The following NOL11 variants were observed in gnomAD, a reference collection of about 807,000 sequenced individuals.
The protein encoded by NOL11 is nucleolar protein 11.
Under a neutral mutation model 93.0 loss-of-function variants are expected in NOL11, and 42 were observed. That is an observed-to-expected ratio of 0.45 (90% CI 0.35 to 0.58). The LOEUF is 0.58. NOL11 is among the 20% of genes least tolerant of loss of function. The pLI, the probability that NOL11 is intolerant of heterozygous loss-of-function variation, is 0.00. For synonymous variants in NOL11, 296 were observed against 293.7 expected (o/e 1.01, Z -0.08); for missense variants, 775 against 841.8 (o/e 0.92, Z 0.98).
chr17:67,736,767 GTTGAAA>G lies in NOL11; in HGVS notation c.1143+20_1143+25del, dbSNP rs1290426393. ...GTCAAGAAGAATTGTAAGTTTCGTA[GTTGAAA>G]TTGAAACATTAGTGCAAATGTTGAA... On this transcript the variant is annotated intron_variant, in intron 10 of 17. Transcript: ENST00000253247. 6.3e-7 allele frequency: 1 copy of G among 1,580,304 alleles called. No individual in the cohort carries two copies. Among genetic ancestry groups the G allele is most frequent in the South Asian group, 1.1e-5 (1 of 89,364 alleles).
At chr17:67,730,807 C>T (rs2055147467) in intron 7 of NOL11, among the ~76,000 whole-genome samples, 1 of 152,218 alleles carries the variant, frequency 6.6e-6, no homozygotes, top group Non-Finnish European at 1.5e-5. Flanking sequence ...TAGTTATACT[C>T]TTTTCGTTGT....
At chr17:67,725,170 TA>T (rs1449769326) in intron 6 of NOL11, among the ~76,000 whole-genome samples, 3 of 152,234 alleles carry the variant, frequency 2.0e-5, no homozygotes, top group African/African-American at 7.2e-5. Flanking sequence ...TCTTTGAGTG[TA>T]ATTAGTGAAA....
chr17:67,730,749 G>T (rs981024992), intron 7 of NOL11, among the ~76,000 whole-genome samples: 2 of 152,198 alleles, frequency 1.3e-5, no homozygotes, highest in Non-Finnish European at 2.9e-5. Flanking sequence ...GGTGAATGGG[G>T]TACCCATCAC....
At chr17:67,728,030 A>G (rs1389419865) in intron 7 of NOL11, among the ~76,000 whole-genome samples, 7 of 151,988 alleles carry the variant, frequency 4.6e-5, no homozygotes, top group Non-Finnish European at 7.4e-5. Flanking sequence ...GGAGGCCAAG[A>G]CGGGCTGATC....
chr17:67,718,253 T>G (rs1224001338), intron 1 of NOL11, among the ~76,000 whole-genome samples, 165 bp downstream of exon 1: 1 of 152,142 alleles, frequency 6.6e-6, no homozygotes, highest in African/African-American at 2.4e-5. Flanking sequence ...GGAATCTGGC[T>G]TGCTTGCCTT....
chr17:67,736,383 A>G (rs1411800341), intron 9 of NOL11, among the ~76,000 whole-genome samples: 1 of 152,116 alleles, frequency 6.6e-6, no homozygotes, highest in East Asian at 1.9e-4. Context: ...TTTGAATGCC[A>G]GTGTTCTGAT....
chr17:67,736,033 T>TA lies in NOL11; in HGVS notation c.1054+11dup, dbSNP rs780709484. The TA allele has an allele frequency of 6.2e-7, 1 of 1,600,434 alleles. No individual in the cohort carries two copies. Among genetic ancestry groups the TA allele is most frequent in the African/African-American group, 1.4e-5 (1 of 74,010 alleles). ...CATAGTCAAGATCCAGGTAGAAACT[T>TA]ACTTCTGTTTGTTTTATTAATACAA... On this transcript the variant is annotated intron_variant, in intron 9 of 17. Transcript: ENST00000253247.
Position 67,737,659 on chromosome 17 carries a change from T to C in NOL11, c.1370T>C (p.Met457Thr), listed in dbSNP as rs779758236. 4.3e-6 allele frequency: 7 copies of C among 1,614,014 alleles called. No homozygotes were observed. Among genetic ancestry groups the C allele is most frequent in the Non-Finnish European group, 5.1e-6 (6 of 1,179,960 alleles). Residue 457 changes from methionine (M) to threonine (T), a missense_variant, in exon 12 of 18, where the codon ATG becomes ACG. Around this residue, in one of 2 missense-constraint regions of NOL11, gnomAD observed 416 missense variants for 525.2 expected, o/e 0.79. Coordinates refer to ENST00000253247, the MANE Select transcript of NOL11 (RefSeq NM_015462.5). ...TCATTTTATCCCCGGAACTGTCTGA[T>C]GCAGCTTATCCAAACGCATGTGCTT... is the stretch of plus-strand genomic sequence containing the variant. ...EPSFYPRNCL[M>T]QLIQTHVLSY...
chr17:67,739,756 A>G (rs12948027), intron 16 of NOL11, 148 bp downstream of exon 16: 110,692 of 584,956 alleles, frequency 0.19, 12,130 homozygotes, highest in South Asian at 0.23. Flanking sequence ...CACTGCAGCT[A>G]GAAATGGGGA....
chr17:67,726,778 T>G, intron 7 of NOL11, 130 bp downstream of exon 7: 1 of 661,932 alleles, frequency 1.5e-6, no homozygotes, highest in South Asian at 3.3e-5. Flanking sequence ...ATACTCAATT[T>G]TTTTTGTGCC....
In NOL11 at chr17:67,718,015, T is replaced by C; in HGVS notation, c.68T>C (p.Leu23Pro). Residue 23 changes from leucine to proline, a missense_variant, in exon 1 of 18, where the codon CTA becomes CCA. By Grantham distance (98) the Leu-to-Pro change is moderately conservative. Transcript: ENST00000253247. Reference sequence around the variant, plus strand: ...CTGAGCGCCGGGCCTGAAGGACTCCTAGGCGTGGAGCAGAGCGACAAAACA... The same window carrying C: ...CTGAGCGCCGGGCCTGAAGGACTCCCAGGCGTGGAGCAGAGCGACAAAACA... Reference protein sequence around the residue: ...VVLSAGPEGLLGVEQSDKTDQ... With the variant: ...VVLSAGPEGLPGVEQSDKTDQ... 3.1e-6 allele frequency: 5 copies of C among 1,614,212 alleles called. No homozygotes were observed. Among genetic ancestry groups the C allele is most frequent in the Non-Finnish European group, 4.2e-6 (5 of 1,180,034 alleles).
chr17:67,726,453 C>A lies in NOL11; in HGVS notation c.665-7C>A. 6.3e-7 allele frequency: 1 copy of A among 1,599,856 alleles called. No homozygotes were observed. The highest frequency in any genetic ancestry group is 1.1e-5 in the South Asian group (1 of 89,020). The stretch of plus-strand genomic sequence containing the variant: ...AATAACCAACAACAAATGCTTGTTT[C>A]CAACAGGCTCTGATGGTTGTATATA... On this transcript the variant is annotated splice_polypyrimidine_tract_variant and splice_region_variant and intron_variant, in intron 6 of 17. Coordinates refer to ENST00000253247, the MANE Select transcript of NOL11 (RefSeq NM_015462.5).
intron 3 of NOL11, 70 bp downstream of exon 3, chr17:67,720,032 T>C: frequency 7.2e-7 from 1 of 1,383,742 alleles, no homozygotes. Context: ...TAATAAAGTA[T>C]GTGTTATTTA....
chr17:67,723,243 C>A (rs1234220313), intron 5 of NOL11, among the ~76,000 whole-genome samples: 1 of 151,908 alleles, frequency 6.6e-6, no homozygotes, highest in Non-Finnish European at 1.5e-5. Flanking sequence ...AACTCCCAAC[C>A]TCAGGTGATC....
intron 5 of NOL11, 84 bp downstream of exon 5, chr17:67,722,721 G>C: frequency 4.8e-6 from 7 of 1,472,122 alleles, no homozygotes; most frequent in Non-Finnish European, 6.3e-6. Flanking sequence ...GTGTTGCCCT[G>C]TCACCCAGGC....
chr17:67,719,515 T>C, intron 1 of NOL11, 159 bp from the exon 2 acceptor site: 1 of 472,766 alleles, frequency 2.1e-6, no homozygotes, highest in Non-Finnish European at 3.9e-6. Context: ...CACCTTGACC[T>C]CTCAAAATGC....
chr17:67,742,240 G>A (rs143030991), intron 16 of NOL11, among the ~76,000 whole-genome samples: 30 of 152,204 alleles, frequency 2.0e-4, no homozygotes, highest in African/African-American at 7.0e-4. Context: ...CTTACTTTTT[G>A]CCAATCAGAT....
chr17:67,723,744 T>TA (rs34643635), intron 5 of NOL11, among the ~76,000 whole-genome samples: 26,479 of 144,340 alleles, frequency 0.18, 2,526 homozygotes, highest in South Asian at 0.23. Context: ...TCATCTCTAT[T>TA]AAAAAAAAAA....
intron 1 of NOL11, among the ~76,000 whole-genome samples, chr17:67,718,344 G>C (rs2043191740): frequency 6.6e-6 from 1 of 152,186 alleles, no homozygotes; most frequent in South Asian, 2.1e-4. Context: ...AAGAAAACCT[G>C]TGCTTTTGCT....
Sources: allele counts gnomAD v4.1 joint callset (sites outside exome capture counted in the v4.1 genomes callset), GRCh38; gene constraint gnomAD v4.1.1; regional missense constraint gnomAD v4.1.1; transcripts MANE v1.5; gene names NCBI Gene and HGNC (gene_info 2026-07-23, HGNC 2026-07-21).